Variants in CRB1 observed in about 807,000 individuals in gnomAD.
CRB1 encodes the protein protein crumbs homolog 1.
Under a neutral mutation model 120.0 loss-of-function variants are expected in CRB1, and 83 were observed. The ratio of observed to expected loss-of-function variants is 0.69; its 90% CI spans 0.58 to 0.83. CRB1 has a LOEUF of 0.83. CRB1 is among the 40% of genes least tolerant of loss of function. The probability of loss-of-function intolerance (pLI) is 0.00; values close to 1 mark genes in which losing one functional copy is unlikely to be tolerated. For synonymous variants in CRB1, 625 were observed against 612.5 expected (o/e 1.02, Z -0.30); for missense variants, 1,699 against 1,687.6 (o/e 1.01, Z -0.12).
chr1:197,396,129 A>G (rs1662760191), intron 5 of CRB1, among the ~76,000 whole-genome samples: 1 of 152,180 alleles, frequency 6.6e-6, no homozygotes, highest in Non-Finnish European at 1.5e-5. Context: ...TAGAACAAAT[A>G]ACTTTAACAT....
the CRB1 span, among the ~76,000 whole-genome samples, chr1:197,234,967 T>C: frequency 6.6e-6 from 1 of 152,200 alleles, no homozygotes; most frequent in Non-Finnish European, 1.5e-5. Context: ...GAGCAGCTGC[T>C]GGCCTGACAG....
intron 5 of CRB1, among the ~76,000 whole-genome samples, chr1:197,397,874 C>T (rs893445410): frequency 6.6e-6 from 1 of 151,972 alleles, no homozygotes; most frequent in Admixed American, 6.6e-5. Context: ...TTCTACAGCT[C>T]GATTGTGGTG....
rs772169214 is a variant in CRB1 at position 197,435,225 on chromosome 1, A to G, written c.3362A>G (p.Gln1121Arg). Residue 1121 changes from glutamine to arginine, a missense_variant, in exon 9 of 12, where the codon CAG becomes CGG. By Grantham distance (43) the Gln-to-Arg change is conservative. Transcript: ENST00000367400. ...ENVHGFINKP[Q>R]EEQFLKISTN... ...GTTCATGGTTTCATTAATAAACCTC[A>G]GGAAGAGCAATTTCTCAAAATCTCT... 6.2e-7 allele frequency: 1 copy of G among 1,613,926 alleles called. No individual in the cohort carries two copies. The highest frequency in any genetic ancestry group is 8.5e-7 in the Non-Finnish European group (1 of 1,179,876).
At chr1:197,444,016 G>A (rs1665583545) in intron 11 of CRB1, 1 of 152,214 alleles carries the variant, frequency 6.6e-6, no homozygotes, top group Middle Eastern at 3.4e-3. Context: ...ATGACTTTAG[G>A]AGCTGTCCTG....
At chr1:197,262,480 G>A in the CRB1 span, among the ~76,000 whole-genome samples, 1 of 152,080 alleles carries the variant, frequency 6.6e-6, no homozygotes, top group Admixed American at 6.6e-5. Context: ...TGCTGACTTT[G>A]TAAGATTTTA....
the CRB1 span, among the ~76,000 whole-genome samples, chr1:197,237,383 G>A: frequency 6.6e-6 from 1 of 152,096 alleles, no homozygotes; most frequent in South Asian, 2.1e-4. Flanking sequence ...CTCAAAGATG[G>A]CATCTTCTTG....
intron 2 of CRB1, among the ~76,000 whole-genome samples, chr1:197,329,296 T>A (rs1658716519): frequency 6.6e-6 from 1 of 152,166 alleles, no homozygotes; most frequent in South Asian, 2.1e-4. Flanking sequence ...GCAGTTCAGG[T>A]TTCCTCATCA....
chr1:197,318,052 G>A lies in CRB1; in HGVS notation c.71-10370G>A, dbSNP rs192871359. Among the ~76,000 whole-genome samples, 3 of 151,896 alleles carry A rather than the reference G, an allele frequency of 2.0e-5. No individual in the cohort carries two copies. In the East Asian group the frequency reaches 5.8e-4, roughly 29 times the overall value. ...CATAGCAAAGGGAACAATCAATAGAGCAAAGAGGCAACCTATAGAATGGGA... is the reference window on the plus strand; with the variant it reads ...CATAGCAAAGGGAACAATCAATAGAACAAAGAGGCAACCTATAGAATGGGA... On this transcript the variant is annotated intron_variant, in intron 1 of 11. Transcript: ENST00000367400.
intron 1 of CRB1, among the ~76,000 whole-genome samples, chr1:197,275,152 A>G (rs1655130747): frequency 6.6e-6 from 1 of 151,942 alleles, no homozygotes; most frequent in South Asian, 2.1e-4. Flanking sequence ...TATTCTTCTT[A>G]TAAGGACGTC....
the CRB1 span, among the ~76,000 whole-genome samples, chr1:197,220,739 G>A: frequency 6.6e-6 from 1 of 152,106 alleles, no homozygotes; most frequent in Non-Finnish European, 1.5e-5. Flanking sequence ...TAGATCATGG[G>A]GGTGAATTTC....
intron 6 of CRB1, among the ~76,000 whole-genome samples, chr1:197,424,544 A>G (rs1264413547): frequency 2.6e-5 from 4 of 152,056 alleles, no homozygotes; most frequent in Non-Finnish European, 5.9e-5. Flanking sequence ...TCCTTCTAAG[A>G]TGTGATGTCT....
the CRB1 span, among the ~76,000 whole-genome samples, chr1:197,235,447 G>A: frequency 6.6e-6 from 1 of 152,204 alleles, no homozygotes; most frequent in Non-Finnish European, 1.5e-5. Context: ...GCTTGCTCAT[G>A]TACTGCTTTT....
the CRB1 span, among the ~76,000 whole-genome samples, chr1:197,255,926 G>T: frequency 7.5e-6 from 1 of 133,832 alleles, no homozygotes; most frequent in East Asian, 2.3e-4. Flanking sequence ...ATTCCCAACA[G>T]CATTCAAATT....
At chr1:197,420,162 G>A (rs1041376169) in intron 5 of CRB1, among the ~76,000 whole-genome samples, 17 of 152,112 alleles carry the variant, frequency 1.1e-4, no homozygotes, top group Non-Finnish European at 2.2e-4. Context: ...TAATTTGAAT[G>A]AAGATGTTGG....
intron 5 of CRB1, among the ~76,000 whole-genome samples, chr1:197,418,015 G>A (rs1019336835): frequency 2.6e-5 from 4 of 151,660 alleles, no homozygotes; most frequent in South Asian, 4.2e-4. Flanking sequence ...CTATCTAATA[G>A]TGAGCCGAAA....
intron 5 of CRB1, among the ~76,000 whole-genome samples, chr1:197,387,349 T>G (rs1401962197): frequency 6.6e-6 from 1 of 152,120 alleles, no homozygotes; most frequent in African/African-American, 2.4e-5. Flanking sequence ...TCAGCAAATA[T>G]AGCTAATCAG....
chr1:197,379,268 T>TA (rs1661809611), intron 5 of CRB1, among the ~76,000 whole-genome samples: 1 of 152,152 alleles, frequency 6.6e-6, no homozygotes, highest in African/African-American at 2.4e-5. Context: ...AAATGATTCT[T>TA]AGGAGATATT....
In CRB1 at chr1:197,438,545, A is replaced by G. The variant is rs755052621; in HGVS notation, c.3750-2A>G. ...CTGTGGCTCTTGCTTTTATCTCTCT[A>G]GACAGAGCAGATTACCCTCAACAGT... is the stretch of plus-strand genomic sequence containing the variant. On this transcript the variant is annotated splice_acceptor_variant, in intron 9 of 11. Coordinates refer to ENST00000367400, the MANE Select transcript of CRB1 (RefSeq NM_201253.3). LOFTEE classifies it high-confidence loss of function. 6.2e-7 allele frequency: 1 copy of G among 1,612,036 alleles called. No homozygotes were observed. Among genetic ancestry groups the G allele is most frequent in the South Asian group, 1.1e-5 (1 of 91,052 alleles).
At chr1:197,343,759 A>T (rs1659605161) in intron 2 of CRB1, among the ~76,000 whole-genome samples, 2 of 152,220 alleles carry the variant, frequency 1.3e-5, no homozygotes, top group South Asian at 4.1e-4. Context: ...TTAGACTAAG[A>T]GTCCTATGAG....
Sources: allele counts gnomAD v4.1 joint callset (sites outside exome capture counted in the v4.1 genomes callset), GRCh38; gene constraint gnomAD v4.1.1; transcripts MANE v1.5; gene names NCBI Gene and HGNC (gene_info 2026-07-23, HGNC 2026-07-21).